AGBL4: variants seen among roughly 807,000 people sequenced by gnomAD.
The protein encoded by AGBL4 is AGBL carboxypeptidase 4.
In AGBL4, 58 loss-of-function variants were observed where a neutral mutation model predicts 66.4. The observed-to-expected ratio is 0.87, with a 90% CI of 0.71 to 1.09. The LOEUF (loss-of-function observed/expected upper bound fraction) is 1.09, where lower values mean the gene tolerates loss of function less well. AGBL4 is among the 50% of genes least tolerant of loss of function. The probability of loss-of-function intolerance (pLI) is 0.00; values close to 1 mark genes in which losing one functional copy is unlikely to be tolerated. For missense variants in AGBL4, 579 were observed against 631.0 expected (o/e 0.92, Z 0.88); for synonymous variants, 234 against 222.9 (o/e 1.05, Z -0.44).
At chr1:49,612,775 G>C (rs1645178615) in intron 3 of AGBL4, among the ~76,000 whole-genome samples, 1 of 152,208 alleles carries the variant, frequency 6.6e-6, no homozygotes, top group Admixed American at 6.5e-5. Flanking sequence ...TACACTGCTG[G>C]TGGGAATGTA....
intron 3 of AGBL4, among the ~76,000 whole-genome samples, chr1:49,378,935 A>AG (rs1269742506): frequency 6.6e-6 from 1 of 152,040 alleles, no homozygotes; most frequent in Non-Finnish European, 1.5e-5. Flanking sequence ...TCTCCAGAGA[A>AG]GGTTTTTTTT....
intron 11 of AGBL4, among the ~76,000 whole-genome samples, chr1:48,547,916 A>T (rs140823527): frequency 6.6e-6 from 1 of 152,142 alleles, no homozygotes; most frequent in Non-Finnish European, 1.5e-5. Flanking sequence ...TCTGTGGGTA[A>T]ATGTAGTCTC....
chr1:48,709,750 C>T (rs963822451), intron 6 of AGBL4, among the ~76,000 whole-genome samples: 6 of 151,994 alleles, frequency 3.9e-5, no homozygotes, highest in East Asian at 1.9e-4. Flanking sequence ...TACAGGCACC[C>T]GCCACCACGC....
chr1:48,575,885 A>G (rs1314126825), intron 11 of AGBL4, among the ~76,000 whole-genome samples: 1 of 152,204 alleles, frequency 6.6e-6, no homozygotes, highest in Non-Finnish European at 1.5e-5. Flanking sequence ...CATCCCCAGA[A>G]ACCAGCATAG....
chr1:48,941,184 C>T (rs1474252611), intron 5 of AGBL4, among the ~76,000 whole-genome samples: 2 of 152,178 alleles, frequency 1.3e-5, no homozygotes, highest in Non-Finnish European at 2.9e-5. Flanking sequence ...GATACTCTGG[C>T]AGCCTGAGCA....
chr1:49,396,498 T>C (rs1411083159), intron 3 of AGBL4, among the ~76,000 whole-genome samples: 1 of 152,062 alleles, frequency 6.6e-6, no homozygotes, highest in Non-Finnish European at 1.5e-5. Context: ...TTCTAAACAC[T>C]AGGAATTAGT....
intron 4 of AGBL4, among the ~76,000 whole-genome samples, chr1:49,110,130 C>A (rs1248836359): frequency 6.6e-6 from 1 of 152,198 alleles, no homozygotes; most frequent in Non-Finnish European, 1.5e-5. Flanking sequence ...TGATAGCCAT[C>A]AGTCCCCTTC....
intron 3 of AGBL4, among the ~76,000 whole-genome samples, chr1:49,262,329 T>C (rs1193690843): frequency 6.6e-6 from 1 of 152,112 alleles, no homozygotes; most frequent in East Asian, 1.9e-4. Flanking sequence ...CTAAAGAGCT[T>C]CTGCACAGCA....
At chr1:48,919,384 C>G (rs1653890966) in intron 5 of AGBL4, among the ~76,000 whole-genome samples, 1 of 152,166 alleles carries the variant, frequency 6.6e-6, no homozygotes. Context: ...AACTTGGTCT[C>G]CTGGTCCATA....
At chr1:48,929,680 A>G (rs1034382553) in intron 5 of AGBL4, among the ~76,000 whole-genome samples, 15 of 152,242 alleles carry the variant, frequency 9.9e-5, no homozygotes, top group Middle Eastern at 3.4e-3. Context: ...GTTGTATAGC[A>G]CTGTTGATTT....
intron 4 of AGBL4, among the ~76,000 whole-genome samples, chr1:49,056,853 A>G (rs1405185602): frequency 1.3e-5 from 2 of 152,218 alleles, no homozygotes; most frequent in Non-Finnish European, 2.9e-5. Context: ...AATGTGAAAA[A>G]GTAAGAGCAA....
intron 4 of AGBL4, among the ~76,000 whole-genome samples, chr1:49,127,951 T>C (rs1645799867): frequency 6.6e-6 from 1 of 151,714 alleles, no homozygotes; most frequent in African/African-American, 2.4e-5. Flanking sequence ...ATTAAAGATA[T>C]CAAGAAGTAG....
chr1:49,324,462 C>T (rs573873295), intron 3 of AGBL4, among the ~76,000 whole-genome samples: 2 of 152,184 alleles, frequency 1.3e-5, no homozygotes, highest in Non-Finnish European at 2.9e-5. Context: ...CTTTTGTTTG[C>T]TTTATTAGAA....
intron 3 of AGBL4, among the ~76,000 whole-genome samples, chr1:49,558,331 C>T (rs1216129764): frequency 1.3e-5 from 2 of 152,082 alleles, no homozygotes; most frequent in Admixed American, 1.3e-4. Context: ...TTTGGGATCC[C>T]TGATTCTGTG....
intron 3 of AGBL4, among the ~76,000 whole-genome samples, chr1:49,686,153 G>C (rs1216195653): frequency 6.6e-6 from 1 of 152,134 alleles, no homozygotes; most frequent in Non-Finnish European, 1.5e-5. Flanking sequence ...ATTGAACAGG[G>C]AGTACTATCC....
rs529793398 is a variant in AGBL4, at chr1:49,565,498, G to T, written c.282+131815C>A. 3.9e-5 allele frequency among the ~76,000 whole-genome samples: 6 copies of T among 152,238 alleles called. No homozygotes were observed. In the East Asian group the frequency reaches 1.2e-3, roughly 29 times the overall value. On this transcript the variant is annotated intron_variant, in intron 3 of 13. Coordinates refer to ENST00000371839, the MANE Select transcript of AGBL4 (RefSeq NM_032785.4). ...TCAGGACCTCTTTTAGGGCAGGCCT[G>T]GTGGTGACAAAATCTCTCAGCATTT...
At chr1:49,208,347 G>A (rs1648404139) in intron 4 of AGBL4, among the ~76,000 whole-genome samples, 2 of 151,856 alleles carry the variant, frequency 1.3e-5, no homozygotes, top group South Asian at 4.2e-4. Context: ...TCTCCTTGTA[G>A]GTGACCTTGC....
At chr1:49,547,667 T>C (rs1200487366) in intron 3 of AGBL4, among the ~76,000 whole-genome samples, 1 of 152,226 alleles carries the variant, frequency 6.6e-6, no homozygotes, top group Non-Finnish European at 1.5e-5. Context: ...CTATGATTTC[T>C]TTCAGCAGTG....
chr1:48,924,279 T>TATAA (rs56391090), intron 5 of AGBL4, among the ~76,000 whole-genome samples: 12,472 of 148,516 alleles, frequency 0.084, 922 homozygotes, highest in African/African-American at 0.19. Context: ...GAATCTAAAA[T>TATAA]ATAAATAAAT....
Sources: gnomAD v4.1 joint callset for allele counts (sites outside exome capture counted in the v4.1 genomes callset) on GRCh38, gnomAD v4.1.1 for gene constraint, MANE v1.5 for transcripts, NCBI Gene and HGNC (gene_info 2026-07-23, HGNC 2026-07-21) for gene names.